The following NBEA variants were observed in gnomAD, a reference collection of about 807,000 sequenced individuals.
NBEA encodes the protein neurobeachin.
Under a neutral mutation model 343.4 loss-of-function variants are expected in NBEA, and 44 were observed. The ratio of observed to expected loss-of-function variants is 0.13; its 90% CI spans 0.10 to 0.16. The LOEUF (loss-of-function observed/expected upper bound fraction) is 0.16. Ranked by LOEUF, NBEA falls within the 10% of genes least tolerant of loss-of-function variation. The pLI, the probability that NBEA is intolerant of heterozygous loss-of-function variation, is 1.00. For synonymous variants in NBEA, 1,175 were observed against 1,238.7 expected (o/e 0.95, Z 1.08); for missense variants, 2,555 against 3,631.3 (o/e 0.70, Z 7.62).
In NBEA at chr13:35,060,654, A is replaced by G. The variant is rs116453561; in HGVS notation, c.1239+1791A>G. Among the ~76,000 whole-genome samples the G allele has an allele frequency of 7.4e-3, 1,123 of 151,884 alleles. 13 individuals carry two copies. The highest frequency in any genetic ancestry group is 0.026 in the African/African-American group (1,062 of 41,520). ...GTAAATGCATTTTCTCAATTTGTAA[A>G]TATTATAAATACAGTTGCTACCATG... On this transcript the variant is annotated intron_variant, in intron 8 of 58. Transcript: ENST00000379939.
intron 47 of NBEA, among the ~76,000 whole-genome samples, chr13:35,595,967 GTT>G (rs1156882434): frequency 6.6e-6 from 1 of 151,950 alleles, no homozygotes; most frequent in Non-Finnish European, 1.5e-5. Context: ...TCATTTTTCA[GTT>G]GGGTCACATG....
chr13:35,262,794 T>TACAATGAAAG (rs2152799203), intron 34 of NBEA, among the ~76,000 whole-genome samples: 1 of 152,268 alleles, frequency 6.6e-6, no homozygotes, highest in African/African-American at 2.4e-5. Flanking sequence ...ATAAAAGACT[T>TACAATGAAAG]GTACAATGAA....
chr13:34,984,513 T>C (rs1411550219), intron 1 of NBEA, among the ~76,000 whole-genome samples: 1 of 138,760 alleles, frequency 7.2e-6, no homozygotes, highest in African/African-American at 2.5e-5. Flanking sequence ...CTTAGCATTG[T>C]ATTGGCAATG....
chr13:35,565,369 G>A (rs1027238257), intron 44 of NBEA, among the ~76,000 whole-genome samples: 10 of 152,090 alleles, frequency 6.6e-5, no homozygotes, highest in Non-Finnish European at 1.0e-4. Context: ...TTCTTACTCA[G>A]ATTGTAGTTC....
At chr13:35,111,235 A>G (rs1348588046) in intron 13 of NBEA, among the ~76,000 whole-genome samples, 3 of 152,178 alleles carry the variant, frequency 2.0e-5, no homozygotes, top group Non-Finnish European at 4.4e-5. Context: ...ATTCAGGAAG[A>G]TACATTCATA....
intron 1 of NBEA, among the ~76,000 whole-genome samples, chr13:35,023,836 T>C (rs1279301793): frequency 1.3e-5 from 2 of 152,180 alleles, no homozygotes; most frequent in Non-Finnish European, 2.9e-5. Flanking sequence ...TTCCACCTTT[T>C]ATTTTAGGTT....
intron 18 of NBEA, among the ~76,000 whole-genome samples, chr13:35,143,787 T>TGATCCCAGGAGGTCTGCTA (rs2068230238): frequency 6.6e-6 from 1 of 151,848 alleles, no homozygotes; most frequent in Non-Finnish European, 1.5e-5. Flanking sequence ...GAGGACTGCT[T>TGATCCCAGGAGGTCTGCTA]GATCCCAGGA....
intron 34 of NBEA, among the ~76,000 whole-genome samples, chr13:35,271,111 C>T (rs2034112427): frequency 1.3e-5 from 2 of 152,210 alleles, no homozygotes; most frequent in Admixed American, 6.5e-5. Flanking sequence ...CCTACAGACA[C>T]CTCATACAGG....
chr13:35,309,706 A>G (rs894302215), intron 36 of NBEA, 114 bp downstream of exon 36: 4 of 587,088 alleles, frequency 6.8e-6, no homozygotes, highest in Non-Finnish European at 1.2e-5. Flanking sequence ...TTTTAGTTAA[A>G]TAATTTATCA....
intron 41 of NBEA, among the ~76,000 whole-genome samples, chr13:35,536,608 A>G (rs1047928142): frequency 6.6e-6 from 1 of 152,098 alleles, no homozygotes; most frequent in Admixed American, 6.6e-5. Flanking sequence ...GCTGCAAGTA[A>G]CAGACACTGT....
At chr13:34,981,588 A>T (rs1442602321) in intron 1 of NBEA, among the ~76,000 whole-genome samples, 1 of 152,164 alleles carries the variant, frequency 6.6e-6, no homozygotes, top group Admixed American at 6.5e-5. Context: ...TTTGTTAACA[A>T]TTTAAGGATT....
chr13:35,651,876 G>A lies in NBEA; in HGVS notation c.8035G>A (p.Ala2679Thr), dbSNP rs1043585650. ...TCCCATTGAAATGGATCCATTAATAGGTATGTTAATAAAAAAGAATAAATT... is the reference window on the plus strand; with the variant it reads ...TCCCATTGAAATGGATCCATTAATAAGTATGTTAATAAAAAAGAATAAATT... ...HLPIEMDPLI[A>T]NNSGVNKRQI... Residue 2679 changes from alanine (A) to threonine (T), a missense_variant and splice_region_variant, in exon 53 of 59, where the codon GCC (alanine) becomes ACC (threonine). Around this residue, in one of 21 missense-constraint regions of NBEA, gnomAD observed 39 missense variants for 37.9 expected, o/e 1.03. Coordinates refer to ENST00000379939, the MANE Select transcript of NBEA (RefSeq NM_001385012.1). The A allele has an allele frequency of 6.6e-7, 1 of 1,509,400 alleles. No individual in the cohort carries two copies. Among genetic ancestry groups the A allele is most frequent in the African/African-American group, 1.4e-5 (1 of 72,196 alleles). 93.5% of individuals were successfully genotyped at this position (1,509,400 alleles called of 1,614,324 possible).
At chr13:35,101,111 C>T (rs1458657818) in intron 11 of NBEA, among the ~76,000 whole-genome samples, 1 of 151,948 alleles carries the variant, frequency 6.6e-6, no homozygotes, top group African/African-American at 2.4e-5. Flanking sequence ...AGTTGATATA[C>T]ATTTGTGTTG....
chr13:35,315,107 T>C (rs1174155063), intron 36 of NBEA, among the ~76,000 whole-genome samples: 2 of 152,230 alleles, frequency 1.3e-5, no homozygotes, highest in Non-Finnish European at 2.9e-5. Context: ...TGGCTTAATA[T>C]GAAATATTTA....
rs368831486 is a variant in NBEA, at chr13:35,432,232, T to C, written c.6180-37T>C. ...AAATGTATTTCCAGCTATGCATTGT[T>C]ATTAATAGGGATTACTTTTTTTCCC... On this transcript the variant is annotated intron_variant, in intron 38 of 58. Coordinates refer to ENST00000379939, the MANE Select transcript of NBEA (RefSeq NM_001385012.1). 7 of 1,543,260 alleles carry C rather than the reference T, an allele frequency of 4.5e-6. No individual in the cohort carries two copies. The African/African-American group carries it at 8.2e-5, about 18-fold the overall frequency.
At chr13:35,429,013 T>C (rs769461470) in intron 38 of NBEA, among the ~76,000 whole-genome samples, 9 of 152,146 alleles carry the variant, frequency 5.9e-5, no homozygotes, top group Non-Finnish European at 1.2e-4. Context: ...CCATGTGATG[T>C]CCACTGGTGG....
chr13:35,172,990 G>A (rs1313602955), intron 26 of NBEA, among the ~76,000 whole-genome samples: 1 of 152,134 alleles, frequency 6.6e-6, no homozygotes, highest in Non-Finnish European at 1.5e-5. Context: ...TTGGGGACCT[G>A]TGAGACTTGA....
chr13:35,319,988 T>A (rs1157163124), intron 36 of NBEA, among the ~76,000 whole-genome samples: 2 of 152,158 alleles, frequency 1.3e-5, no homozygotes, highest in African/African-American at 4.8e-5. Flanking sequence ...TATATGTGAC[T>A]TTGCACGTAT....
chr13:35,468,246 C>T (rs1566176996), intron 40 of NBEA, among the ~76,000 whole-genome samples: 1 of 152,118 alleles, frequency 6.6e-6, no homozygotes, highest in East Asian at 1.9e-4. Flanking sequence ...GAGCTCACAG[C>T]TAGGCCATGG....
Sources: allele counts gnomAD v4.1 joint callset (sites outside exome capture counted in the v4.1 genomes callset), GRCh38; gene constraint gnomAD v4.1.1; regional missense constraint gnomAD v4.1.1; transcripts MANE v1.5; gene names NCBI Gene and HGNC (gene_info 2026-07-23, HGNC 2026-07-21).